Variants in CPNE5 observed in about 807,000 individuals in gnomAD.
The protein encoded by CPNE5 is copine 5.
In CPNE5, 42 loss-of-function variants were observed where a neutral mutation model predicts 81.1. The observed-to-expected ratio is 0.52, with a 90% CI of 0.40 to 0.67. The LOEUF (loss-of-function observed/expected upper bound fraction) is 0.67. CPNE5 is among the 30% of genes least tolerant of loss of function. The pLI is 0.00. For synonymous variants in CPNE5, 313 were observed against 321.5 expected (o/e 0.97, Z 0.28); for missense variants, 612 against 815.5 (o/e 0.75, Z 3.04).
intron 3 of CPNE5, among the ~76,000 whole-genome samples, chr6:36,809,535 C>G (rs1347425767): frequency 6.6e-6 from 1 of 151,978 alleles, no homozygotes; most frequent in Non-Finnish European, 1.5e-5. Context: ...GTGATTGTGC[C>G]ACTGCACTCC....
rs1236581876 is a variant in CPNE5, at chr6:36,822,150, C to T, written c.147G>A (p.Met49Ile). Reference sequence around the variant, plus strand: ...GCTTGTTCTCCATCCCTTGGGTATACATGACGCACACTGCGGGGGGAGGAG... The same window carrying T: ...GCTTGTTCTCCATCCCTTGGGTATATATGACGCACACTGCGGGGGGAGGAG... Reference protein sequence around the residue: ...MFSKSDPLCVMYTQGMENKQW... With the variant: ...MFSKSDPLCVIYTQGMENKQW... Residue 49 changes from methionine to isoleucine, a missense_variant, in exon 3 of 21, where the codon ATG becomes ATA. Met to Ile is a conservative substitution (Grantham distance 10, BLOSUM62 1). Coordinates refer to ENST00000244751, the MANE Select transcript of CPNE5 (RefSeq NM_020939.2). 2 of 1,532,734 alleles carry T rather than the reference C, an allele frequency of 1.3e-6. No homozygotes were observed. The highest frequency in any genetic ancestry group is 1.8e-6 in the Non-Finnish European group (2 of 1,133,300). The allele number at this position is 1,532,734 out of a possible 1,614,324, so 94.9% of individuals were successfully genotyped here. A position where few individuals can be genotyped will look rare whatever the true frequency, so the allele number is the denominator to read the frequency against.
chr6:36,833,019 T>A (rs1326610488), intron 1 of CPNE5, among the ~76,000 whole-genome samples: 1 of 152,202 alleles, frequency 6.6e-6, no homozygotes, highest in African/African-American at 2.4e-5. Context: ...CACAGGCAGC[T>A]GTTAGCAAGG....
At chr6:36,795,588 G>T (rs1769493193) in intron 6 of CPNE5, among the ~76,000 whole-genome samples, 1 of 152,200 alleles carries the variant, frequency 6.6e-6, no homozygotes, top group Non-Finnish European at 1.5e-5. Flanking sequence ...ACACAGAGGT[G>T]CACAGAGAGA....
chr6:36,805,813 C>A (rs1770539635), intron 3 of CPNE5, among the ~76,000 whole-genome samples: 3 of 152,210 alleles, frequency 2.0e-5, no homozygotes, highest in Admixed American at 1.3e-4. Context: ...CCAAGGGCTC[C>A]TAAAACCTCT....
rs1363461437 is a variant in CPNE5 at position 36,798,484 on chromosome 6, C to G, written c.298G>C (p.Asp100His). Residue 100 changes from aspartate to histidine, a missense_variant, in exon 5 of 21, where the codon GAC (aspartate) becomes CAC (histidine). Asp to His is a moderately conservative substitution (Grantham distance 81). Coordinates refer to ENST00000244751, the MANE Select transcript of CPNE5 (RefSeq NM_020939.2). ...TTGGATAAATCAGGACTCTTAGAGT[C>G]AACGTCGTATCTGCAGGGAACACAG... is the stretch of plus-strand genomic sequence containing the variant. ...QNLRFDLYDV[D>H]SKSPDLSKHD... 6.2e-7 allele frequency: 1 copy of G among 1,613,976 alleles called. No individual in the cohort carries two copies. Among genetic ancestry groups the G allele is most frequent in the Non-Finnish European group, 8.5e-7 (1 of 1,179,966 alleles).
chr6:36,778,182 G>C (rs1767717801), intron 9 of CPNE5, among the ~76,000 whole-genome samples: 7 of 152,162 alleles, frequency 4.6e-5, no homozygotes, highest in Admixed American at 2.6e-4. Flanking sequence ...AGGCTGCTGG[G>C]GAAGACCTAG....
intron 14 of CPNE5, among the ~76,000 whole-genome samples, chr6:36,752,214 A>C (rs1393709413): frequency 6.6e-6 from 1 of 152,122 alleles, no homozygotes; most frequent in Non-Finnish European, 1.5e-5. Flanking sequence ...TCTCCTTTCC[A>C]GACAGGTGCA....
intron 12 of CPNE5, 114 bp downstream of exon 12, chr6:36,762,803 C>A: frequency 1.2e-6 from 1 of 824,274 alleles, no homozygotes; most frequent in Non-Finnish European, 2.0e-6. Flanking sequence ...GGACAATAAC[C>A]CCTTTCTCAC....
intron 8 of CPNE5, among the ~76,000 whole-genome samples, chr6:36,784,957 A>AG (rs1267374233): frequency 6.6e-6 from 1 of 151,622 alleles, no homozygotes; most frequent in African/African-American, 2.4e-5. Context: ...AGGAAAAAAA[A>AG]AAAAAGAAAA....
At chr6:36,809,524 C>T (rs138351549) in intron 3 of CPNE5, among the ~76,000 whole-genome samples, 6 of 152,036 alleles carry the variant, frequency 3.9e-5, no homozygotes, top group South Asian at 4.2e-4. Context: ...TGCAGTGAGC[C>T]GTGATTGTGC....
intron 1 of CPNE5, among the ~76,000 whole-genome samples, chr6:36,837,181 T>G (rs950050957): frequency 1.3e-5 from 2 of 152,254 alleles, no homozygotes; most frequent in African/African-American, 4.8e-5. Flanking sequence ...AGTAGCTTGC[T>G]AGGTGCTTCA....
At chr6:36,800,654 GC>G (rs1210038780) in intron 3 of CPNE5, among the ~76,000 whole-genome samples, 1 of 152,192 alleles carries the variant, frequency 6.6e-6, no homozygotes, top group African/African-American at 2.4e-5. Context: ...TCGAACGTGG[GC>G]TGGACCTAGT....
chr6:36,757,688 G>A (rs922904472), intron 12 of CPNE5, among the ~76,000 whole-genome samples: 3 of 152,160 alleles, frequency 2.0e-5, no homozygotes, highest in Non-Finnish European at 4.4e-5. Context: ...CATGGAACAA[G>A]GGGGATCACA....
intron 8 of CPNE5, among the ~76,000 whole-genome samples, chr6:36,787,691 G>C (rs1477218383): frequency 6.6e-6 from 1 of 152,190 alleles, no homozygotes; most frequent in Non-Finnish European, 1.5e-5. Context: ...TGAAATGAAA[G>C]AATACATGAG....
intron 16 of CPNE5, among the ~76,000 whole-genome samples, chr6:36,745,727 C>T (rs772753782): frequency 1.4e-4 from 21 of 152,228 alleles, no homozygotes; most frequent in African/African-American, 4.1e-4. Flanking sequence ...GCTCCTTACC[C>T]GGCTCCCTGT....
At chr6:36,749,943 C>T (rs1219860990) in intron 14 of CPNE5, among the ~76,000 whole-genome samples, 1 of 152,188 alleles carries the variant, frequency 6.6e-6, no homozygotes, top group Non-Finnish European at 1.5e-5. Flanking sequence ...AACACAAGTC[C>T]CTGATAAAGT....
At chr6:36,807,377 T>C (rs1770688854) in intron 3 of CPNE5, among the ~76,000 whole-genome samples, 1 of 152,226 alleles carries the variant, frequency 6.6e-6, no homozygotes, top group Non-Finnish European at 1.5e-5. Context: ...GCAATTTATC[T>C]ACATGTTATG....
rs187739220 is a variant in CPNE5 at position 36,790,897 on chromosome 6, T to G, written c.528+1136A>C. Among the ~76,000 whole-genome samples the G allele has an allele frequency of 4.1e-4, 63 of 152,348 alleles. 1 individual carries two copies. Among genetic ancestry groups the G allele is most frequent in the Admixed American group, 3.0e-3 (46 of 15,300 alleles). On this transcript the variant is annotated intron_variant, in intron 8 of 20. Coordinates refer to ENST00000244751, the MANE Select transcript of CPNE5 (RefSeq NM_020939.2). ...CATAATGGGTTCAACTATTGTTATTTTTAAAGGAATTAAATTATTTTTAAA... is the reference window on the plus strand; with the variant it reads ...CATAATGGGTTCAACTATTGTTATTGTTAAAGGAATTAAATTATTTTTAAA...
intron 8 of CPNE5, among the ~76,000 whole-genome samples, chr6:36,789,360 C>T (rs1768886308): frequency 1.3e-5 from 2 of 152,206 alleles, no homozygotes; most frequent in African/African-American, 4.8e-5. Context: ...TGCTTACCAA[C>T]CCCTGGAATG....
Sources: gnomAD v4.1 joint callset for allele counts (sites outside exome capture counted in the v4.1 genomes callset) on GRCh38, gnomAD v4.1.1 for gene constraint, MANE v1.5 for transcripts, NCBI Gene and HGNC (gene_info 2026-07-23, HGNC 2026-07-21) for gene names.